The following MAP3K10 variants were observed in gnomAD, a reference collection of about 807,000 sequenced individuals.
MAP3K10 encodes the protein MKN28 derived nonreceptor_type serine/threonine kinase.
MAP3K10 carries 22 observed loss-of-function variants against 75.0 expected under a neutral mutation model. The ratio of observed to expected loss-of-function variants is 0.29; its 90% CI spans 0.21 to 0.42. The LOEUF (loss-of-function observed/expected upper bound fraction) is 0.42. Ranked by LOEUF, MAP3K10 falls within the 10% of genes least tolerant of loss-of-function variation. MAP3K10 has a pLI of 1.00. For synonymous variants in MAP3K10, 599 were observed against 612.9 expected (o/e 0.98, Z 0.34); for missense variants, 1,165 against 1,379.8 (o/e 0.84, Z 2.47).
chr19:40,213,829 T>TC lies in MAP3K10; in HGVS notation c.2153dup (p.Arg719AlafsTer47). The TC allele has an allele frequency of 7.6e-7, 1 of 1,320,516 alleles. No individual in the cohort carries two copies. The highest frequency in any genetic ancestry group is 9.7e-7 in the Non-Finnish European group (1 of 1,034,620). 81.8% of individuals were successfully genotyped at this position (1,320,516 alleles called of 1,614,324 possible). On this transcript the variant is annotated frameshift_variant, in exon 9 of 10. Coordinates refer to ENST00000253055, the MANE Select transcript of MAP3K10 (RefSeq NM_002446.4). LOFTEE classifies it high-confidence loss of function. This position sits in a 1 kb window ranked among gnomAD's most constrained non-coding sequence, Gnocchi z 5.7. ...CTCTTCTTTCCCCGCGCCGGCCGCT[T>TC]CCCGCGGGGCCTCAGCCCACCCGCG...
chr19:40,213,616 C>T lies in MAP3K10; in HGVS notation c.1937C>T (p.Pro646Leu), dbSNP rs1309970528. The T allele has an allele frequency of 1.4e-5, 22 of 1,553,264 alleles. No homozygotes were observed. The highest frequency in any genetic ancestry group is 1.8e-5 in the Non-Finnish European group (21 of 1,152,476). The change falls in exon 9 of 10, where the codon CCG becomes CTG. Residue 646 changes from proline (P) to leucine (L), a missense_variant. Transcript: ENST00000253055. This position sits in a 1 kb window ranked among gnomAD's most constrained non-coding sequence, Gnocchi z 5.7. ...LSVPLPAEPS[P>L]GARAPWEPTP... ...GTGCCACTGCCTGCCGAGCCCTCCCCGGGGGCGCGGGCGCCGTGGGAGCCG... is the reference window on the plus strand; with the variant it reads ...GTGCCACTGCCTGCCGAGCCCTCCCTGGGGGCGCGGGCGCCGTGGGAGCCG...
Position 40,198,347 on chromosome 19 carries a change from G to C in MAP3K10, c.683-28G>C, listed in dbSNP as rs568336488. On this transcript the variant is annotated intron_variant, in intron 1 of 9. Coordinates refer to ENST00000253055, the MANE Select transcript of MAP3K10 (RefSeq NM_002446.4). This position sits in a 1 kb window ranked among gnomAD's most constrained non-coding sequence, Gnocchi z 4.3. The stretch of plus-strand genomic sequence containing the variant: ...GGGTCTGCGGCGTGGCAGGTCTGGG[G>C]TGACCCACCTTTCTTCCCACCCCAC... The C allele has an allele frequency of 6.3e-7, 1 of 1,595,184 alleles. No individual in the cohort carries two copies. The highest frequency in any genetic ancestry group is 8.6e-7 in the Non-Finnish European group (1 of 1,169,400).
chr19:40,207,433 C>T (rs1402558426), intron 5 of MAP3K10, among the ~76,000 whole-genome samples: 1 of 152,012 alleles, frequency 6.6e-6, no homozygotes, highest in Admixed American at 6.6e-5. Flanking sequence ...TAAGAGATGT[C>T]AATTTTAATA....
chr19:40,214,503 C>A (rs1973313534), intron 9 of MAP3K10, among the ~76,000 whole-genome samples: 2 of 152,196 alleles, frequency 1.3e-5, no homozygotes, highest in Admixed American at 1.3e-4. Flanking sequence ...AGACACTGTT[C>A]TCCTCCATCT....
rs1347852085 is a variant in MAP3K10, at chr19:40,206,017, A to G, written c.1295A>G (p.Asp432Gly). The G allele has an allele frequency of 6.2e-7, 1 of 1,613,188 alleles. No individual in the cohort carries two copies. The highest frequency in any genetic ancestry group is 8.5e-7 in the Non-Finnish European group (1 of 1,179,566). ...REQELAEREM[D>G]IVERELHLLM... is the part of the protein sequence containing the mutation. ...CAGGAGCTGGCAGAACGTGAGATGG[A>G]CATCGTGGAACGGGAGCTGCACCTG... Residue 432 changes from aspartate (D) to glycine (G), a missense_variant, in exon 5 of 10, where the codon GAC becomes GGC. Asp to Gly is a moderately conservative substitution (Grantham distance 94). Around this residue, in one of 2 missense-constraint regions of MAP3K10, gnomAD observed 575 missense variants for 793.2 expected, o/e 0.72. Transcript: ENST00000253055.
chr19:40,213,410 GT>G lies in MAP3K10; in HGVS notation c.1838-106del. 6.6e-7 allele frequency: 1 copy of G among 1,515,142 alleles called. No homozygotes were observed. The highest frequency in any genetic ancestry group is 8.8e-7 in the Non-Finnish European group (1 of 1,136,340). The allele number at this position is 1,515,142 out of a possible 1,614,324, so 93.9% of individuals were successfully genotyped here. A position where few individuals can be genotyped will look rare whatever the true frequency, so the allele number is the denominator to read the frequency against. ...ACAGATTCAAGAACGATGCTCGTGG[GT>G]CTTGGTCTTGCTGTTGGAGGGGTCA... On this transcript the variant is annotated intron_variant, in intron 8 of 9. Coordinates refer to ENST00000253055, the MANE Select transcript of MAP3K10 (RefSeq NM_002446.4). This position sits in a 1 kb window ranked among gnomAD's most constrained non-coding sequence, Gnocchi z 5.7.
chr19:40,203,246 C>T (rs143080990), intron 2 of MAP3K10, among the ~76,000 whole-genome samples: 1 of 151,342 alleles, frequency 6.6e-6, no homozygotes, highest in Non-Finnish European at 1.5e-5. Flanking sequence ...GGCTGAGGCA[C>T]AAGAATCACT....
chr19:40,195,819 C>A (rs1214478275), intron 1 of MAP3K10, among the ~76,000 whole-genome samples: 1 of 152,106 alleles, frequency 6.6e-6, no homozygotes, highest in Admixed American at 6.6e-5. Context: ...AAAGGATGGG[C>A]AGGATTATCA....
Position 40,204,492 on chromosome 19 carries a change from G to T in MAP3K10, c.871G>T (p.Val291Leu). The change falls in exon 3 of 10, where the codon GTG (valine) becomes TTG (leucine). Residue 291 changes from valine (V) to leucine (L), a missense_variant. Val to Leu is a conservative substitution (Grantham distance 32). Around this residue, in one of 2 missense-constraint regions of MAP3K10, gnomAD observed 575 missense variants for 793.2 expected, o/e 0.72. Transcript: ENST00000253055. This position sits in a 1 kb window ranked among gnomAD's most constrained non-coding sequence, Gnocchi z 4.3. ...CCTCTCCCCTGCCTGCAGCTTCGGG[G>T]TGCTGCTGTGGGAGCTGCTGACGGG... ...SKSSDVWSFG[V>L]LLWELLTGEV... 2 of 1,613,184 alleles carry T rather than the reference G, an allele frequency of 1.2e-6. No homozygotes were observed. The highest frequency in any genetic ancestry group is 8.5e-7 in the Non-Finnish European group (1 of 1,179,818).
intron 6 of MAP3K10, among the ~76,000 whole-genome samples, 182 bp downstream of exon 6, chr19:40,209,401 C>CTT (rs532187717): frequency 4.9e-5 from 7 of 143,080 alleles, no homozygotes; most frequent in Non-Finnish European, 7.7e-5. Context: ...AGGATAATTT[C>CTT]TTTTTTTTTT....
rs1398424590 is a variant in MAP3K10, at chr19:40,215,386, G to T, written c.*94G>T. The T allele has an allele frequency of 5.1e-6, 6 of 1,173,728 alleles. No homozygotes were observed. In the South Asian group the frequency reaches 7.6e-5, roughly 15 times the overall value. The allele number at this position is 1,173,728 out of a possible 1,614,324, so 72.7% of individuals were successfully genotyped here. On this transcript the variant is annotated 3_prime_UTR_variant, in exon 10 of 10. Transcript: ENST00000253055. ...TGCCACAAGGTGGGGGAGGCCCTGG[G>T]CAGGATGTTCACTCTATTTATTGGG...
rs533944181 is a variant in MAP3K10, at chr19:40,212,561, G to A, written c.1553-244G>A. 6.6e-6 allele frequency among the ~76,000 whole-genome samples: 1 copy of A among 152,348 alleles called. No individual in the cohort carries two copies. The highest frequency in any genetic ancestry group is 1.9e-4 in the East Asian group (1 of 5,190). ...AAGGGTTAGGCTGTGAAGAGGAGGG[G>A]AGGCTGGAGGAGTTGGCAGGGAACC... On this transcript the variant is annotated intron_variant, in intron 6 of 9. Coordinates refer to ENST00000253055, the MANE Select transcript of MAP3K10 (RefSeq NM_002446.4). The surrounding 1 kb of genome is among the most constrained non-coding windows in gnomAD (Gnocchi z 4.2).
At chr19:40,214,797 C>A (rs1264700175) in intron 9 of MAP3K10, among the ~76,000 whole-genome samples, 173 bp from the exon 10 acceptor site, 1 of 152,120 alleles carries the variant, frequency 6.6e-6, no homozygotes, top group Non-Finnish European at 1.5e-5. Flanking sequence ...GGAGTGGTCC[C>A]AGTCTAGGTC....
At position 40,198,599 on chromosome 19, in the gene MAP3K10, G is replaced by A. The variant is rs1972960126; in HGVS notation, c.863+44G>A. 1.9e-6 allele frequency: 3 copies of A among 1,558,316 alleles called. No individual in the cohort carries two copies. Among genetic ancestry groups the A allele is most frequent in the Non-Finnish European group, 2.6e-6 (3 of 1,144,728 alleles). On this transcript the variant is annotated intron_variant, in intron 2 of 9. Transcript: ENST00000253055. This position sits in a 1 kb window ranked among gnomAD's most constrained non-coding sequence, Gnocchi z 4.3. ...GGGATGGCCTCTGGGGAGTAAGGGA[G>A]GGAGGAAGGGGTGAGGGCAGAGTGG...
rs1973187043 is a variant in MAP3K10 at position 40,209,103 on chromosome 19, G to A, written c.1436G>A (p.Gly479Asp). The A allele has an allele frequency of 1.2e-6, 2 of 1,610,474 alleles. No individual in the cohort carries two copies. The highest frequency in any genetic ancestry group is 8.5e-7 in the Non-Finnish European group (1 of 1,176,848). ...EGGSHISLPS[G>D]FEHKITVQAS... Reference sequence around the variant, plus strand: ...GGAAAGCTTCTCTTTCTTTCTGCAGGCTTTGAGCATAAGATCACAGTCCAG... The same window carrying A: ...GGAAAGCTTCTCTTTCTTTCTGCAGACTTTGAGCATAAGATCACAGTCCAG... The change falls in exon 6 of 10, where the codon GGC becomes GAC. Residue 479 changes from glycine to aspartate, a missense_variant and splice_region_variant. Physicochemically the swap from Gly to Asp is moderately conservative, Grantham distance 94. This residue lies in a region of MAP3K10 where 575 missense variants were observed against 793.2 expected (regional missense o/e 0.72). Transcript: ENST00000253055.
rs368468818 is a variant in MAP3K10 at position 40,215,550 on chromosome 19, G to T, written c.*258G>T. 2.1e-6 allele frequency: 1 copy of T among 477,884 alleles called. No individual in the cohort carries two copies. Among genetic ancestry groups the T allele is most frequent in the Non-Finnish European group, 3.8e-6 (1 of 264,820 alleles). 29.6% of individuals were successfully genotyped at this position (477,884 alleles called of 1,614,324 possible). On this transcript the variant is annotated 3_prime_UTR_variant, in exon 10 of 10. Coordinates refer to ENST00000253055, the MANE Select transcript of MAP3K10 (RefSeq NM_002446.4). The stretch of plus-strand genomic sequence containing the variant: ...CATGGGGGATTTGGCACAAAATGGA[G>T]CATTAAAGGTAACCCCTGCCCCCTA...
intron 5 of MAP3K10, chr19:40,206,391 C>G: frequency 2.4e-6 from 1 of 416,724 alleles, no homozygotes; most frequent in Non-Finnish European, 4.1e-6. Flanking sequence ...CAACATAGAC[C>G]CCATATTTAC....
rs1973155830 is a variant in MAP3K10 at position 40,208,055 on chromosome 19, A to T, written c.1436-1048A>T. Among the ~76,000 whole-genome samples the T allele has an allele frequency of 2.6e-5, 4 of 152,028 alleles. No individual in the cohort carries two copies. In the South Asian group the frequency reaches 8.3e-4, roughly 32 times the overall value. On this transcript the variant is annotated intron_variant, in intron 5 of 9. Coordinates refer to ENST00000253055, the MANE Select transcript of MAP3K10 (RefSeq NM_002446.4). ...TCAAAAATATTGGATCTGTATTTAG[A>T]TTTCATAAAAGTTAGAGTTGAAAAA... is the stretch of plus-strand genomic sequence containing the variant.
Position 40,192,335 on chromosome 19 carries a change from G to C in MAP3K10, c.304G>C (p.Glu102Gln). 1.2e-6 allele frequency: 2 copies of C among 1,612,780 alleles called. No homozygotes were observed. The highest frequency in any genetic ancestry group is 1.7e-6 in the Non-Finnish European group (2 of 1,179,676). Residue 102 changes from glutamate (E) to glutamine (Q), a missense_variant, in exon 1 of 10, where the codon GAG becomes CAG. By Grantham distance (29) the Glu-to-Gln change is conservative (BLOSUM62 2). Around this residue, in one of 2 missense-constraint regions of MAP3K10, gnomAD observed 575 missense variants for 793.2 expected, o/e 0.72. Coordinates refer to ENST00000253055, the MANE Select transcript of MAP3K10 (RefSeq NM_002446.4). This position sits in a 1 kb window ranked among gnomAD's most constrained non-coding sequence, Gnocchi z 7.1. ...CCCCTTCCACGAGCTGCAGCTAGAG[G>C]AGATCATCGGTGTGGGGGGCTTTGG... ...EIPFHELQLE[E>Q]IIGVGGFGKV... is the part of the protein sequence containing the mutation.
Sources: allele counts gnomAD v4.1 joint callset (sites outside exome capture counted in the v4.1 genomes callset), GRCh38; gene constraint gnomAD v4.1.1; regional missense constraint gnomAD v4.1.1; non-coding constraint Gnocchi (gnomAD v3.1); transcripts MANE v1.5; gene names NCBI Gene and HGNC (gene_info 2026-07-23, HGNC 2026-07-21).